Variants in COL19A1 observed in about 807,000 individuals in gnomAD.
COL19A1 encodes the protein collagen alpha-1(XIX) chain.
A neutral mutation model predicts 190.2 loss-of-function variants in COL19A1; 159 were observed. That is an observed-to-expected ratio of 0.84 (90% confidence interval 0.73 to 0.95). COL19A1 has a LOEUF of 0.95. COL19A1 is among the 40% of genes least tolerant of loss of function. The pLI is 0.00. For synonymous variants in COL19A1, 509 were observed against 458.9 expected, an observed-to-expected ratio of 1.11 and a Z score of -1.39; for missense variants, 1,418 against 1,431.9, an observed-to-expected ratio of 0.99 and a Z score of 0.16.
intron 11 of COL19A1, among the ~76,000 whole-genome samples, chr6:69,994,333 A>T (rs1776784006): frequency 6.6e-6 from 1 of 152,144 alleles, no homozygotes; most frequent in African/African-American, 2.4e-5. Flanking sequence ...AGAAGTATTA[A>T]TGCCCAAGCA....
intron 14 of COL19A1, among the ~76,000 whole-genome samples, chr6:70,046,916 C>T (rs1582772992): frequency 6.6e-6 from 1 of 152,064 alleles, no homozygotes; most frequent in South Asian, 2.1e-4. Context: ...GGGTTATTAA[C>T]AACAAAGAAA....
At chr6:70,144,410 G>A in intron 24 of COL19A1, 147 bp downstream of exon 24, 1 of 650,110 alleles carries the variant, frequency 1.5e-6, no homozygotes, top group African/African-American at 1.9e-5. Context: ...ACCCCCTAGA[G>A]TTGTGCATTT....
intron 11 of COL19A1, among the ~76,000 whole-genome samples, chr6:70,023,337 T>G (rs968549243): frequency 1.3e-5 from 2 of 152,082 alleles, no homozygotes; most frequent in African/African-American, 4.8e-5. Context: ...GGTTTCACCG[T>G]GTTGGTCAGG....
intron 1 of COL19A1, among the ~76,000 whole-genome samples, chr6:69,876,733 A>G (rs1439435754): frequency 6.6e-6 from 1 of 152,198 alleles, no homozygotes; most frequent in African/African-American, 2.4e-5. Flanking sequence ...ATAACCATGG[A>G]TTTCTCTAAA....
At chr6:70,075,215 C>A (rs932769864) in intron 15 of COL19A1, among the ~76,000 whole-genome samples, 20 of 152,260 alleles carry the variant, frequency 1.3e-4, no homozygotes, top group African/African-American at 4.6e-4. Flanking sequence ...AAATTGGGTA[C>A]CCTATTCAGG....
At chr6:70,145,976 C>T (rs1786615438) in intron 25 of COL19A1, among the ~76,000 whole-genome samples, 1 of 152,030 alleles carries the variant, frequency 6.6e-6, no homozygotes, top group African/African-American at 2.4e-5. Flanking sequence ...CCATCTCGGC[C>T]TCCCAAAGTG....
At chr6:70,068,758 G>T (rs1019531958) in intron 15 of COL19A1, among the ~76,000 whole-genome samples, 1 of 152,028 alleles carries the variant, frequency 6.6e-6, no homozygotes, top group Non-Finnish European at 1.5e-5. Flanking sequence ...TTTAGTTTTT[G>T]AATTAAGTTG....
intron 4 of COL19A1, among the ~76,000 whole-genome samples, chr6:69,921,613 C>T (rs890907677): frequency 7.0e-6 from 1 of 142,964 alleles, no homozygotes; most frequent in Non-Finnish European, 1.5e-5. Context: ...TATATAGATT[C>T]GTATACGTAT....
At chr6:69,922,775 C>T (rs556334116) in intron 4 of COL19A1, among the ~76,000 whole-genome samples, 2 of 152,194 alleles carry the variant, frequency 1.3e-5, no homozygotes, top group South Asian at 4.2e-4. Flanking sequence ...GCCACCACAC[C>T]CGACCTCTAT....
At position 70,004,171 on chromosome 6, in the gene COL19A1, C is replaced by CT. The variant is rs753016574; in HGVS notation, c.1027-19453dup. Among the ~76,000 whole-genome samples the CT allele has an allele frequency of 2.6e-5, 4 of 152,104 alleles. No individual in the cohort carries two copies. The East Asian group carries it at 7.7e-4, about 29-fold the overall frequency. On this transcript the variant is annotated intron_variant, in intron 11 of 50. Transcript: ENST00000620364. Reference sequence around the variant, plus strand: ...GATATGAAATTCTAGGTTGAAAATCCTTTCTTTTAAGAATGTTGAATATTG... The same window carrying CT: ...GATATGAAATTCTAGGTTGAAAATCCTTTTCTTTTAAGAATGTTGAATATTG...
chr6:69,929,368 T>A, intron 5 of COL19A1, 57 bp from the exon 6 acceptor site: 1 of 1,529,064 alleles, frequency 6.5e-7, no homozygotes, highest in East Asian at 2.3e-5. Context: ...TTTGTGTGCT[T>A]TAATAATTTT....
rs1284351927 is a variant in COL19A1 at position 70,211,185 on chromosome 6, G to A, written c.*3911G>A. Among the ~76,000 whole-genome samples the A allele has an allele frequency of 1.3e-5, 2 of 151,906 alleles. No homozygotes were observed. Among genetic ancestry groups the A allele is most frequent in the African/African-American group, 2.4e-5 (1 of 41,390 alleles). On this transcript the variant is annotated 3_prime_UTR_variant, in exon 51 of 51. Coordinates refer to ENST00000620364, the MANE Select transcript of COL19A1 (RefSeq NM_001858.6). ...TTTGTATAACGTTTATATTTTTCTA[G>A]AATACATCACTATTTACAAAAGTAC... is the stretch of plus-strand genomic sequence containing the variant.
At chr6:70,071,632 C>G (rs1382505797) in intron 15 of COL19A1, among the ~76,000 whole-genome samples, 3 of 151,936 alleles carry the variant, frequency 2.0e-5, no homozygotes, top group Non-Finnish European at 4.4e-5. Flanking sequence ...ATTTTTTAGT[C>G]TTACATCCTT....
At chr6:69,891,767 G>A (rs1044236859) in intron 2 of COL19A1, among the ~76,000 whole-genome samples, 1 of 152,202 alleles carries the variant, frequency 6.6e-6, no homozygotes, top group Non-Finnish European at 1.5e-5. Context: ...TTATGCCATG[G>A]ATATTAATGT....
At chr6:69,910,922 C>T (rs377067757) in intron 4 of COL19A1, among the ~76,000 whole-genome samples, 19 of 152,194 alleles carry the variant, frequency 1.2e-4, no homozygotes, top group African/African-American at 3.9e-4. Context: ...GTTGCAAATG[C>T]GTTGATTTAT....
chr6:69,900,017 G>T (rs1329268032), intron 3 of COL19A1, among the ~76,000 whole-genome samples: 1 of 152,012 alleles, frequency 6.6e-6, no homozygotes, highest in East Asian at 1.9e-4. Context: ...ATATATTCAT[G>T]ATTTTTTTCT....
chr6:70,062,427 T>C (rs889083881), intron 14 of COL19A1, among the ~76,000 whole-genome samples: 29 of 150,262 alleles, frequency 1.9e-4, no homozygotes, highest in African/African-American at 5.8e-4. Flanking sequence ...GACAGGCAAA[T>C]GCTGAGAGAT....
intron 7 of COL19A1, among the ~76,000 whole-genome samples, chr6:69,935,804 G>T (rs909245752): frequency 1.3e-5 from 2 of 151,816 alleles, no homozygotes; most frequent in African/African-American, 4.8e-5. Context: ...GTGCCATGAT[G>T]GTTTCCTGCA....
intron 49 of COL19A1, among the ~76,000 whole-genome samples, chr6:70,203,523 G>A (rs1458096632): frequency 6.6e-6 from 1 of 152,102 alleles, no homozygotes. Flanking sequence ...TAGAACCAGG[G>A]AGGCTAAACA....
Sources: gnomAD v4.1 joint callset for allele counts (sites outside exome capture counted in the v4.1 genomes callset) on GRCh38, gnomAD v4.1.1 for gene constraint, MANE v1.5 for transcripts, NCBI Gene and HGNC (gene_info 2026-07-23, HGNC 2026-07-21) for gene names.